Variants in GMDS observed in about 807,000 individuals in gnomAD.
The protein encoded by GMDS is GDP-mannose 4,6 dehydratase.
A neutral mutation model predicts 49.9 loss-of-function variants in GMDS; 20 were observed. The ratio of observed to expected loss-of-function variants is 0.40; its 90% confidence interval spans 0.28 to 0.58. The LOEUF (loss-of-function observed/expected upper bound fraction) is 0.58, where lower values mean the gene tolerates loss of function less well. Ranked by LOEUF, GMDS falls within the 20% of genes least tolerant of loss-of-function variation. The pLI, the probability that GMDS is intolerant of heterozygous loss-of-function variation, is 0.42. For synonymous variants in GMDS, 177 were observed against 178.6 expected (o/e 0.99, Z 0.07); for missense variants, 362 against 481.4 (o/e 0.75, Z 2.32).
intron 4 of GMDS, among the ~76,000 whole-genome samples, chr6:2,095,027 G>A (rs1773514086): frequency 6.6e-6 from 1 of 152,154 alleles, no homozygotes; most frequent in Non-Finnish European, 1.5e-5. Flanking sequence ...TAGAAACTGT[G>A]GAGCAGATGC....
intron 8 of GMDS, among the ~76,000 whole-genome samples, chr6:1,733,121 C>T (rs1766878959): frequency 6.6e-6 from 1 of 152,206 alleles, no homozygotes; most frequent in Admixed American, 6.5e-5. Flanking sequence ...GAGGGGATGA[C>T]ATCTTTGGCT....
At chr6:2,047,159 T>C (rs1770066861) in intron 4 of GMDS, among the ~76,000 whole-genome samples, 1 of 152,192 alleles carries the variant, frequency 6.6e-6, no homozygotes, top group Non-Finnish European at 1.5e-5. Context: ...AATACCCAAT[T>C]CACATTCTAG....
intron 8 of GMDS, among the ~76,000 whole-genome samples, chr6:1,733,517 C>G (rs910377172): frequency 6.6e-6 from 1 of 152,168 alleles, no homozygotes; most frequent in African/African-American, 2.4e-5. Flanking sequence ...CGAGAGGGAG[C>G]CTCAAAGGAG....
intron 1 of GMDS, among the ~76,000 whole-genome samples, chr6:2,228,114 C>T (rs139695983): frequency 2.0e-4 from 30 of 152,300 alleles, no homozygotes; most frequent in African/African-American, 5.8e-4. Flanking sequence ...CCTAGAGAAA[C>T]AAGAATGGCA....
At chr6:2,185,057 G>A (rs1430848683) in intron 1 of GMDS, among the ~76,000 whole-genome samples, 1 of 152,156 alleles carries the variant, frequency 6.6e-6, no homozygotes, top group Non-Finnish European at 1.5e-5. Context: ...GGAGGCCCAG[G>A]GAGGATAGGC....
chr6:2,154,323 G>A (rs192159722), intron 1 of GMDS, among the ~76,000 whole-genome samples: 4 of 152,106 alleles, frequency 2.6e-5, no homozygotes, highest in East Asian at 3.9e-4. Flanking sequence ...ATTTGGGAAC[G>A]CATTTACTTC....
intron 7 of GMDS, among the ~76,000 whole-genome samples, chr6:1,770,800 G>A (rs1199684694): frequency 6.6e-6 from 1 of 152,236 alleles, no homozygotes; most frequent in Non-Finnish European, 1.5e-5. Context: ...TCAGGAGTCT[G>A]CATACCAAAA....
intron 1 of GMDS, among the ~76,000 whole-genome samples, chr6:2,210,747 T>A (rs1209124430): frequency 6.6e-6 from 1 of 152,214 alleles, no homozygotes. Context: ...ACCCACCCTC[T>A]GCCCTATCAC....
intron 4 of GMDS, among the ~76,000 whole-genome samples, chr6:2,070,041 G>A (rs1771888498): frequency 6.6e-6 from 1 of 151,070 alleles, no homozygotes; most frequent in Non-Finnish European, 1.5e-5. Context: ...ATGATAGACT[G>A]GATTAAGAAA....
At chr6:1,732,202 C>G (rs1766838383) in intron 8 of GMDS, among the ~76,000 whole-genome samples, 1 of 152,152 alleles carries the variant, frequency 6.6e-6, no homozygotes, top group Admixed American at 6.5e-5. Flanking sequence ...TGGCGGGCAC[C>G]TGTAGTCCCA....
At chr6:1,893,727 T>C (rs1420696475) in intron 7 of GMDS, among the ~76,000 whole-genome samples, 1 of 152,220 alleles carries the variant, frequency 6.6e-6, no homozygotes, top group African/African-American at 2.4e-5. Context: ...GTATTGAAGC[T>C]ACACTGGACT....
At chr6:1,834,436 G>T (rs1561835603) in intron 7 of GMDS, among the ~76,000 whole-genome samples, 1 of 152,150 alleles carries the variant, frequency 6.6e-6, no homozygotes, top group Non-Finnish European at 1.5e-5. Flanking sequence ...GTTGGCTCCA[G>T]TTGGGATCCA....
chr6:2,143,456 G>C (rs888922590), intron 1 of GMDS, among the ~76,000 whole-genome samples: 1 of 152,178 alleles, frequency 6.6e-6, no homozygotes, highest in Non-Finnish European at 1.5e-5. Flanking sequence ...ATCCAGGTGG[G>C]AGCACCCACA....
chr6:2,238,562 ATTCC>A (rs1781475717), intron 1 of GMDS, among the ~76,000 whole-genome samples: 1 of 152,142 alleles, frequency 6.6e-6, no homozygotes, highest in African/African-American at 2.4e-5. Context: ...TCCTTCTCTC[ATTCC>A]TTCCCACTGT....
At position 2,186,854 on chromosome 6, in the gene GMDS, A is replaced by G. The variant is rs1778799837; in HGVS notation, c.102+58467T>C. 2.0e-5 allele frequency among the ~76,000 whole-genome samples: 3 copies of G among 152,354 alleles called. No homozygotes were observed. In the South Asian group the frequency reaches 6.2e-4, roughly 32 times the overall value. Reference sequence around the variant, plus strand: ...TGTATTTGGATTTGCCACATTGCACAAATAGTATATATACGTGTACATATA... The same window carrying G: ...TGTATTTGGATTTGCCACATTGCACGAATAGTATATATACGTGTACATATA... On this transcript the variant is annotated intron_variant, in intron 1 of 10. Coordinates refer to ENST00000380815, the MANE Select transcript of GMDS (RefSeq NM_001500.4).
At chr6:2,206,872 C>T (rs1779830116) in intron 1 of GMDS, among the ~76,000 whole-genome samples, 1 of 152,140 alleles carries the variant, frequency 6.6e-6, no homozygotes, top group Non-Finnish European at 1.5e-5. Context: ...TGAGGATGTC[C>T]TTACCTGTTA....
At chr6:1,734,086 G>A (rs902266560) in intron 8 of GMDS, among the ~76,000 whole-genome samples, 11 of 152,182 alleles carry the variant, frequency 7.2e-5, no homozygotes, top group Non-Finnish European at 7.4e-5. Flanking sequence ...TAGTGTAAAC[G>A]GTGAACCCTG....
intron 7 of GMDS, among the ~76,000 whole-genome samples, chr6:1,768,802 G>A (rs1049215531): frequency 6.6e-6 from 1 of 152,152 alleles, no homozygotes; most frequent in African/African-American, 2.4e-5. Context: ...ATTTAAACAT[G>A]TTTTTGTATC....
At chr6:1,987,865 C>T (rs1765657414) in intron 4 of GMDS, among the ~76,000 whole-genome samples, 1 of 152,092 alleles carries the variant, frequency 6.6e-6, no homozygotes, top group South Asian at 2.1e-4. Flanking sequence ...AGTATTATGA[C>T]AAGTCTGTGA....
Sources: allele counts gnomAD v4.1 joint callset (sites outside exome capture counted in the v4.1 genomes callset), GRCh38; gene constraint gnomAD v4.1.1; transcripts MANE v1.5; gene names NCBI Gene and HGNC (gene_info 2026-07-23, HGNC 2026-07-21).